NUP62CL: variants seen among roughly 807,000 people sequenced by gnomAD.
NUP62CL encodes nucleoporin 62 C-terminal like.
Under a neutral mutation model 15.3 loss-of-function variants are expected in NUP62CL, and 13 were observed. That is an observed-to-expected ratio of 0.85 (90% CI 0.55 to 1.35). NUP62CL has a LOEUF of 1.35. NUP62CL is among the 40% of genes most tolerant of loss of function. NUP62CL has a pLI of 0.00. For synonymous variants in NUP62CL, 54 were observed against 49.2 expected (o/e 1.10, Z -0.41); for missense variants, 123 against 130.6 (o/e 0.94, Z 0.28).
At chrX:107,152,095 T>TATATATATA (rs1317393683) in intron 7 of NUP62CL, among the ~76,000 whole-genome samples, 1 of 62,472 alleles carries the variant, frequency 1.6e-5, no homozygotes, top group Admixed American at 2.2e-4. Context: ...TATATATATA[T>TATATATATA]TCAGATATAT....
intron 1 of NUP62CL, among the ~76,000 whole-genome samples, chrX:107,193,646 A>T (rs1396484922): frequency 9.0e-6 from 1 of 110,884 alleles, no homozygotes; most frequent in Non-Finnish European, 1.9e-5. Flanking sequence ...TGCCCATGAC[A>T]TTACTCAAAA....
At position 107,175,185 on chromosome X, in the gene NUP62CL, G is replaced by T; in HGVS notation, c.-39C>A. The T allele has an allele frequency of 4.0e-6, 4 of 996,691 alleles. No homozygotes were observed. The highest frequency in any genetic ancestry group is 5.5e-6 in the Non-Finnish European group (4 of 724,354). The allele number at this position is 996,691 out of a possible 1,213,427, so 82.1% of individuals were successfully genotyped here. A position where few individuals can be genotyped will look rare whatever the true frequency, so the allele number is the denominator to read the frequency against. ...GTGGTGGTGGCAACAGCAGCTGCTG[G>T]AGCCAAACCTAAAAATCAAAGTAAC... On this transcript the variant is annotated 5_prime_UTR_variant, in exon 3 of 9. Transcript: ENST00000372466.
intron 3 of NUP62CL, 65 bp downstream of exon 3, chrX:107,175,024 C>G: frequency 1.2e-6 from 1 of 857,147 alleles, no homozygotes; most frequent in Non-Finnish European, 1.7e-6. Context: ...GTAGCATATA[C>G]TGGCAAACTG....
At chrX:107,149,936 AC>A (rs1925970731) in intron 7 of NUP62CL, among the ~76,000 whole-genome samples, 1 of 111,501 alleles carries the variant, frequency 9.0e-6, no homozygotes, top group South Asian at 3.7e-4. Flanking sequence ...GAAAAAAAAA[AC>A]AATTCTTTCT....
intron 4 of NUP62CL, among the ~76,000 whole-genome samples, chrX:107,157,207 G>A (rs1161226696): frequency 9.2e-5 from 10 of 108,503 alleles, no homozygotes; most frequent in Non-Finnish European, 1.7e-4. Flanking sequence ...ACACTCTGCA[G>A]GATATTATCC....
intron 2 of NUP62CL, among the ~76,000 whole-genome samples, chrX:107,189,945 G>GAAAGAAAA (rs780904593): frequency 0.038 from 3,333 of 88,751 alleles, 245 homozygotes; most frequent in African/African-American, 0.12. Context: ...AAGAAAGAAA[G>GAAAGAAAA]AGAATCGATA....
chrX:107,130,504 G>A (rs980579214), intron 8 of NUP62CL, among the ~76,000 whole-genome samples: 3 of 112,121 alleles, frequency 2.7e-5, no homozygotes, highest in Non-Finnish European at 5.6e-5. Flanking sequence ...TAGAATATGT[G>A]CTATATCAGA....
At chrX:107,156,488 C>G (rs1926196507) in intron 4 of NUP62CL, among the ~76,000 whole-genome samples, 1 of 106,376 alleles carries the variant, frequency 9.4e-6, no homozygotes, top group Non-Finnish European at 1.9e-5. Context: ...CCCCGAGCAG[C>G]CTAACTGGGA....
At chrX:107,177,858 T>C (rs1268292817) in intron 2 of NUP62CL, among the ~76,000 whole-genome samples, 1 of 111,416 alleles carries the variant, frequency 9.0e-6, no homozygotes, top group African/African-American at 3.3e-5. Flanking sequence ...TACATATATA[T>C]GCCAAAAAGA....
chrX:107,199,854 C>T (rs1341673857), intron 1 of NUP62CL, among the ~76,000 whole-genome samples: 1 of 112,205 alleles, frequency 8.9e-6, no homozygotes, highest in Non-Finnish European at 1.9e-5. Flanking sequence ...GATATAAAGT[C>T]TTCCAGAAAA....
At chrX:107,201,589 T>C (rs1459137173) in intron 1 of NUP62CL, among the ~76,000 whole-genome samples, 1 of 108,708 alleles carries the variant, frequency 9.2e-6, no homozygotes, top group African/African-American at 3.4e-5. Flanking sequence ...AAAATAACTT[T>C]ATTTGCATTT....
At chrX:107,130,042 AC>A (rs1230825807) in intron 8 of NUP62CL, among the ~76,000 whole-genome samples, 1 of 111,816 alleles carries the variant, frequency 8.9e-6, no homozygotes, top group African/African-American at 3.3e-5. Flanking sequence ...CAAAAATATA[AC>A]GAGAAAATAG....
intron 1 of NUP62CL, among the ~76,000 whole-genome samples, chrX:107,194,639 A>G (rs891816388): frequency 9.0e-6 from 1 of 110,973 alleles, no homozygotes; most frequent in Admixed American, 9.6e-5. Flanking sequence ...AAAACCACCA[A>G]CCTGTCATAA....
At chrX:107,133,503 T>A (rs1198495690) in intron 8 of NUP62CL, among the ~76,000 whole-genome samples, 2 of 110,845 alleles carry the variant, frequency 1.8e-5, no homozygotes, top group Non-Finnish European at 3.8e-5. Flanking sequence ...CCTGGCTGTT[T>A]TTTTACATTT....
At chrX:107,190,741 T>C (rs1484567) in intron 2 of NUP62CL, among the ~76,000 whole-genome samples, 5,986 of 110,771 alleles carry the variant, frequency 0.054, 418 homozygotes, top group African/African-American at 0.19. Context: ...GTACAGCAGT[T>C]GTGCCACTAG....
intron 4 of NUP62CL, among the ~76,000 whole-genome samples, chrX:107,165,330 T>A (rs968348350): frequency 1.0e-4 from 11 of 109,393 alleles, no homozygotes; most frequent in Non-Finnish European, 1.3e-4. Context: ...AATAATAAAT[T>A]AATTAATAAA....
chrX:107,155,307 A>G (rs751370658), intron 4 of NUP62CL, among the ~76,000 whole-genome samples: 3 of 112,352 alleles, frequency 2.7e-5, no homozygotes, highest in Non-Finnish European at 3.8e-5. Flanking sequence ...AGTAGTTGAC[A>G]TTATGCTTCT....
chrX:107,182,556 G>A (rs1251797213), intron 2 of NUP62CL, among the ~76,000 whole-genome samples: 3 of 97,896 alleles, frequency 3.1e-5, no homozygotes, highest in Non-Finnish European at 5.9e-5. Flanking sequence ...TAGAGGTAGT[G>A]ACCTTACACT....
At chrX:107,154,702 G>C (rs745969237) in intron 4 of NUP62CL, among the ~76,000 whole-genome samples, 3 of 111,499 alleles carry the variant, frequency 2.7e-5, no homozygotes, top group Non-Finnish European at 5.7e-5. Flanking sequence ...GCAGAACTCT[G>C]ATTCCCCTGC....
Sources: allele counts gnomAD v4.1 joint callset (sites outside exome capture counted in the v4.1 genomes callset), GRCh38; gene constraint gnomAD v4.1.1; transcripts MANE v1.5; gene names NCBI Gene and HGNC (gene_info 2026-07-23, HGNC 2026-07-21).